Variants in LEKR1 observed in about 807,000 individuals in gnomAD.
LEKR1 encodes the protein protein LEKR1.
A neutral mutation model predicts 72.4 loss-of-function variants in LEKR1; 59 were observed. That is an observed-to-expected ratio of 0.82 (90% CI 0.66 to 1.01). LEKR1 has a LOEUF of 1.01. Among genes scored for constraint, LEKR1 ranks in the 50% least tolerant of loss-of-function variants. The pLI is 0.00. For synonymous variants in LEKR1, 257 were observed against 263.2 expected, an observed-to-expected ratio of 0.98 and a Z score of 0.23; for missense variants, 728 against 759.2, an observed-to-expected ratio of 0.96 and a Z score of 0.48.
intron 3 of LEKR1, among the ~76,000 whole-genome samples, chr3:156,896,778 A>G (rs1192202196): frequency 6.6e-6 from 1 of 152,202 alleles, no homozygotes. Flanking sequence ...TCACAACGGC[A>G]AAGACGTGGA....
intron 3 of LEKR1, among the ~76,000 whole-genome samples, chr3:156,898,523 C>T (rs374155548): frequency 1.9e-4 from 29 of 152,258 alleles, no homozygotes; most frequent in East Asian, 1.5e-3. Flanking sequence ...CCGGACCTGC[C>T]GGCACCTTGA....
chr3:157,019,686 A>T (rs995006768), intron 10 of LEKR1, among the ~76,000 whole-genome samples: 2 of 152,192 alleles, frequency 1.3e-5, no homozygotes, highest in Non-Finnish European at 2.9e-5. Context: ...GCTCAAACAT[A>T]ACTCCTGTCA....
intron 10 of LEKR1, among the ~76,000 whole-genome samples, chr3:157,012,225 T>C (rs559661767): frequency 2.0e-5 from 3 of 152,220 alleles, no homozygotes; most frequent in South Asian, 4.1e-4. Context: ...CTGGGCCCTA[T>C]TCTACACACT....
At chr3:156,931,022 A>G (rs1725177494) in intron 5 of LEKR1, among the ~76,000 whole-genome samples, 1 of 152,172 alleles carries the variant, frequency 6.6e-6, no homozygotes, top group African/African-American at 2.4e-5. Flanking sequence ...TGGATAGGAC[A>G]TAGAAGTAAG....
intron 12 of LEKR1, among the ~76,000 whole-genome samples, chr3:157,036,670 TC>T (rs1734990352): frequency 6.6e-6 from 1 of 152,110 alleles, no homozygotes; most frequent in Non-Finnish European, 1.5e-5. Flanking sequence ...ATGGAGGGAA[TC>T]CCAGGATAAT....
chr3:156,970,175 G>A (rs866017549), intron 6 of LEKR1, among the ~76,000 whole-genome samples: 57 of 152,272 alleles, frequency 3.7e-4, no homozygotes, highest in South Asian at 3.5e-3. Flanking sequence ...ATGCTGAATG[G>A]GCAAAAACTG....
intron 6 of LEKR1, among the ~76,000 whole-genome samples, chr3:156,964,736 A>G (rs1728418141): frequency 6.6e-6 from 1 of 152,194 alleles, no homozygotes; most frequent in Non-Finnish European, 1.5e-5. Flanking sequence ...GCACAGAATT[A>G]GCCCTGCGTA....
chr3:156,982,904 T>TAGAC (rs1730352225), intron 7 of LEKR1, among the ~76,000 whole-genome samples: 1 of 140,202 alleles, frequency 7.1e-6, no homozygotes, highest in East Asian at 1.9e-4. Context: ...GATAGATAGA[T>TAGAC]AGATGGAAGA....
intron 5 of LEKR1, among the ~76,000 whole-genome samples, chr3:156,937,183 A>G (rs1244671791): frequency 4.6e-5 from 7 of 152,092 alleles, no homozygotes; most frequent in Non-Finnish European, 1.0e-4. Flanking sequence ...GAACAACAAC[A>G]ACAACAACAA....
At chr3:156,940,198 G>T (rs1726078941) in intron 5 of LEKR1, among the ~76,000 whole-genome samples, 1 of 152,118 alleles carries the variant, frequency 6.6e-6, no homozygotes, top group African/African-American at 2.4e-5. Flanking sequence ...AATTATGGGG[G>T]AAATAGAAAT....
intron 3 of LEKR1, among the ~76,000 whole-genome samples, chr3:156,920,070 A>G (rs934575506): frequency 6.6e-6 from 1 of 152,112 alleles, no homozygotes; most frequent in Admixed American, 6.6e-5. Context: ...TGGAAGCAAC[A>G]TGAGGCCCTC....
chr3:156,845,089 C>T lies in LEKR1; in HGVS notation c.49-7679C>T, dbSNP rs562856813. Among the ~76,000 whole-genome samples the T allele has an allele frequency of 2.6e-5, 4 of 152,062 alleles. No homozygotes were observed. The South Asian group carries it at 8.3e-4, about 32-fold the overall frequency. Reference sequence around the variant, plus strand: ...GTTTTAATTTGCATTTTCCTAATGGCTAATGAAATGATGTTGAATATCTTT... The same window carrying T: ...GTTTTAATTTGCATTTTCCTAATGGTTAATGAAATGATGTTGAATATCTTT... On this transcript the variant is annotated intron_variant, in intron 2 of 12. Coordinates refer to ENST00000356539, the MANE Select transcript of LEKR1 (RefSeq NM_001004316.3).
At chr3:156,970,176 G>T in intron 6 of LEKR1, among the ~76,000 whole-genome samples, 1 of 152,160 alleles carries the variant, frequency 6.6e-6, no homozygotes, top group Non-Finnish European at 1.5e-5. Flanking sequence ...TGCTGAATGG[G>T]CAAAAACTGG....
At chr3:156,877,425 G>T (rs1328122766) in intron 3 of LEKR1, among the ~76,000 whole-genome samples, 1 of 152,122 alleles carries the variant, frequency 6.6e-6, no homozygotes, top group African/African-American at 2.4e-5. Context: ...AGAGAATTCA[G>T]CTGTGAACCC....
At chr3:156,888,317 T>C in intron 3 of LEKR1, 1 of 702,320 alleles carries the variant, frequency 1.4e-6, no homozygotes, top group Non-Finnish European at 2.6e-6. Flanking sequence ...TTCAGACTCA[T>C]GCTTAGACTG....
intron 2 of LEKR1, among the ~76,000 whole-genome samples, chr3:156,845,310 T>C (rs754037881): frequency 4.6e-5 from 7 of 152,038 alleles, no homozygotes; most frequent in Non-Finnish European, 1.0e-4. Context: ...CTTTGCAAGG[T>C]CTTTTACAGA....
intron 5 of LEKR1, among the ~76,000 whole-genome samples, chr3:156,929,305 A>G (rs1724996933): frequency 6.6e-6 from 1 of 152,122 alleles, no homozygotes; most frequent in Non-Finnish European, 1.5e-5. Context: ...AAAATCAGCA[A>G]AAACTCCAGT....
intron 6 of LEKR1, among the ~76,000 whole-genome samples, chr3:156,949,296 T>G (rs1423162030): frequency 6.6e-6 from 1 of 151,636 alleles, no homozygotes; most frequent in East Asian, 1.9e-4. Context: ...TAGTTTTGGG[T>G]TTTACATTCA....
chr3:156,916,015 GGAGT>G (rs1723600745), intron 3 of LEKR1, among the ~76,000 whole-genome samples: 4 of 152,092 alleles, frequency 2.6e-5, no homozygotes, highest in Admixed American at 2.6e-4. Flanking sequence ...TATTGAATAG[GGAGT>G]CTTTTCCCCA....
Sources: allele counts gnomAD v4.1 joint callset (sites outside exome capture counted in the v4.1 genomes callset), GRCh38; gene constraint gnomAD v4.1.1; transcripts MANE v1.5; gene names NCBI Gene and HGNC (gene_info 2026-07-23, HGNC 2026-07-21).